CAPZB: variants seen among roughly 807,000 people sequenced by gnomAD.
CAPZB encodes the protein capping actin protein of muscle Z-line subunit beta.
CAPZB carries 2 observed loss-of-function variants against 38.1 expected under a neutral mutation model. The ratio of observed to expected loss-of-function variants is 0.05; its 90% CI spans 0.02 to 0.17. CAPZB has a LOEUF of 0.17. Among genes scored for constraint, CAPZB ranks in the 10% least tolerant of loss-of-function variants. CAPZB has a pLI of 1.00. For missense variants in CAPZB, 161 were observed against 334.2 expected (o/e 0.48, Z 4.04); for synonymous variants, 107 against 127.4 (o/e 0.84, Z 1.08).
intron 3 of CAPZB, among the ~76,000 whole-genome samples, chr1:19,379,913 C>T (rs2094164840): frequency 6.6e-6 from 1 of 152,190 alleles, no homozygotes; most frequent in African/African-American, 2.4e-5. Context: ...CACTCTTGGT[C>T]TAAACGCCTC....
intron 2 of CAPZB, among the ~76,000 whole-genome samples, chr1:19,403,407 G>A (rs986055028): frequency 1.3e-5 from 2 of 152,246 alleles, no homozygotes; most frequent in Admixed American, 6.5e-5. Context: ...AGCAGTTAGA[G>A]GGAGCAGAGT....
Position 19,386,289 on chromosome 1 carries a change from C to A in CAPZB, c.94-663G>T, listed in dbSNP as rs776479734. Among the ~76,000 whole-genome samples the A allele has an allele frequency of 2.0e-5, 3 of 152,188 alleles. No individual in the cohort carries two copies. The East Asian group carries it at 5.8e-4, about 29-fold the overall frequency. ...GGACTCAAACTCTGGGCCAATGTTG[C>A]GACTCTGACACAAGGCTCTGCAAGT... is the stretch of plus-strand genomic sequence containing the variant. On this transcript the variant is annotated intron_variant, in intron 2 of 8. Coordinates refer to ENST00000264202, the MANE Select transcript of CAPZB (RefSeq NM_004930.5).
chr1:19,345,352 T>C, intron 6 of CAPZB, 100 bp from the exon 7 acceptor site: 1 of 967,290 alleles, frequency 1.0e-6, no homozygotes, highest in East Asian at 2.4e-5. Flanking sequence ...AGCCTACTGT[T>C]CCCACCGTGG....
intron 1 of CAPZB, among the ~76,000 whole-genome samples, chr1:19,463,653 G>T (rs760877667): frequency 5.9e-5 from 9 of 152,194 alleles, no homozygotes; most frequent in African/African-American, 2.2e-4. Flanking sequence ...TTTCCTTTGA[G>T]GCCCCAGGAG....
chr1:19,358,531 TC>T (rs1287653279), intron 4 of CAPZB, among the ~76,000 whole-genome samples: 1 of 152,184 alleles, frequency 6.6e-6, no homozygotes, highest in East Asian at 1.9e-4. Context: ...GAAATGGGAA[TC>T]AGTCTGGGAT....
At chr1:19,352,813 G>A (rs532132915) in intron 6 of CAPZB, among the ~76,000 whole-genome samples, 3 of 152,364 alleles carry the variant, frequency 2.0e-5, no homozygotes, top group East Asian at 1.9e-4. Context: ...AGTAAAAGCC[G>A]AAAATGATGG....
At chr1:19,412,009 A>G (rs1485629434) in intron 2 of CAPZB, among the ~76,000 whole-genome samples, 1 of 152,192 alleles carries the variant, frequency 6.6e-6, no homozygotes, top group Admixed American at 6.5e-5. Context: ...TCCCTGCCTC[A>G]GTCCCCACAG....
chr1:19,339,377 T>A lies in CAPZB; in HGVS notation c.*153A>T. 1.4e-6 allele frequency: 1 copy of A among 696,696 alleles called. No homozygotes were observed. Among genetic ancestry groups the A allele is most frequent in the Non-Finnish European group, 2.6e-6 (1 of 386,126 alleles). 43.2% of individuals were successfully genotyped at this position (696,696 alleles called of 1,614,324 possible). A position where few individuals can be genotyped will look rare whatever the true frequency, so the allele number is the denominator to read the frequency against. ...CGGAGGAGGGTGGCTATCGGCTTTA[T>A]TCTCAGGGAGAGATGGCGCTGTGCG... On this transcript the variant is annotated 3_prime_UTR_variant, in exon 9 of 9. Coordinates refer to ENST00000264202, the MANE Select transcript of CAPZB (RefSeq NM_004930.5).
intron 1 of CAPZB, among the ~76,000 whole-genome samples, chr1:19,429,678 T>C (rs1342516083): frequency 2.0e-5 from 3 of 152,162 alleles, no homozygotes; most frequent in East Asian, 1.9e-4. Flanking sequence ...GACTTTTACA[T>C]AACATTTTTT....
intron 1 of CAPZB, among the ~76,000 whole-genome samples, chr1:19,447,386 ATTTTTT>A (rs61113781): frequency 1.2e-3 from 135 of 115,198 alleles, no homozygotes; most frequent in African/African-American, 4.0e-3. Context: ...CATCCAGCTA[ATTTTTT>A]TTTTTTTTTT....
Position 19,485,502 on chromosome 1 carries a change from C to G in CAPZB, c.-64G>C. ...TGGCTCTCCCCCCCGCAGCAGGGCC[C>G]GGCGCTTCCACTTCCCCGGGTGCCC... On this transcript the variant is annotated 5_prime_UTR_variant, in exon 1 of 9. Coordinates refer to ENST00000264202, the MANE Select transcript of CAPZB (RefSeq NM_004930.5). 4.1e-6 allele frequency: 5 copies of G among 1,220,866 alleles called. No individual in the cohort carries two copies. In the South Asian group the frequency reaches 1.2e-4, roughly 30 times the overall value. The allele number at this position is 1,220,866 out of a possible 1,614,324, so 75.6% of individuals were successfully genotyped here. A position where few individuals can be genotyped will look rare whatever the true frequency, so the allele number is the denominator to read the frequency against.
Position 19,345,192 on chromosome 1 carries a change from C to A in CAPZB, c.649G>T (p.Val217Leu). 6.2e-7 allele frequency: 1 copy of A among 1,613,770 alleles called. No homozygotes were observed. Among genetic ancestry groups the A allele is most frequent in the Non-Finnish European group, 8.5e-7 (1 of 1,179,690 alleles). ...SPHIANIGRL[V>L]EDMENKIRST... is the part of the protein sequence containing the mutation. ...CCAGAGCCCAGGTCACTCACCTCTA[C>A]CAGGCGCCCGATGTTGGCTATGTGT... Residue 217 changes from valine (V) to leucine (L), a missense_variant, in exon 7 of 9, where the codon GTA becomes TTA. Physicochemically the swap from Val to Leu is conservative, Grantham distance 32. Transcript: ENST00000264202.
intron 1 of CAPZB, among the ~76,000 whole-genome samples, chr1:19,428,869 A>G (rs931498613): frequency 2.0e-5 from 3 of 151,468 alleles, no homozygotes; most frequent in East Asian, 1.9e-4. Flanking sequence ...GGACAGCCAG[A>G]AAAAAAAAGC....
chr1:19,469,563 G>A (rs1197713422), intron 1 of CAPZB, among the ~76,000 whole-genome samples: 1 of 152,212 alleles, frequency 6.6e-6, no homozygotes, highest in East Asian at 1.9e-4. Flanking sequence ...CTGCTAGGCA[G>A]GGAGGATGAG....
At position 19,356,732 on chromosome 1, in the gene CAPZB, G is replaced by A. The variant is rs532731972; in HGVS notation, c.491C>T (p.Thr164Ile). 9.3e-6 allele frequency: 15 copies of A among 1,613,628 alleles called. No individual in the cohort carries two copies. In the Admixed American group the frequency reaches 1.7e-4, roughly 18 times the overall value. Residue 164 changes from threonine (T) to isoleucine (I), a missense_variant, in exon 6 of 9, where the codon ACC becomes ATC. Coordinates refer to ENST00000264202, the MANE Select transcript of CAPZB (RefSeq NM_004930.5). The surrounding 1 kb of genome is among the most constrained non-coding windows in gnomAD (Gnocchi z 4.3). ...VEVQEKSSGR[T>I]AHYKLTSTVM... ...CGTGGAGGTCAACTTGTAATGGGCG[G>A]TGCGACCGCTGGATTTCTCCTGGAA...
chr1:19,460,741 C>T (rs962202711), intron 1 of CAPZB, among the ~76,000 whole-genome samples: 1 of 152,060 alleles, frequency 6.6e-6, no homozygotes, highest in African/African-American at 2.4e-5. Flanking sequence ...TTTCAGGCAT[C>T]CACTCGGGGT....
chr1:19,379,191 T>C (rs1176367818), intron 3 of CAPZB, among the ~76,000 whole-genome samples: 1 of 151,142 alleles, frequency 6.6e-6, no homozygotes, highest in East Asian at 1.9e-4. Flanking sequence ...CTCCGCCTCC[T>C]GGGTTCAGGC....
chr1:19,370,465 G>A (rs1205062209), intron 4 of CAPZB, among the ~76,000 whole-genome samples: 1 of 152,184 alleles, frequency 6.6e-6, no homozygotes, highest in Non-Finnish European at 1.5e-5. Flanking sequence ...CACACAGGAC[G>A]TGATACACTC....
intron 1 of CAPZB, among the ~76,000 whole-genome samples, chr1:19,475,495 C>T (rs2094603785): frequency 1.3e-5 from 2 of 152,232 alleles, no homozygotes; most frequent in African/African-American, 4.8e-5. Flanking sequence ...CAAACCCTGA[C>T]AAGGCCAGCA....
Sources: gnomAD v4.1 joint callset for allele counts (sites outside exome capture counted in the v4.1 genomes callset) on GRCh38, gnomAD v4.1.1 for gene constraint, Gnocchi (gnomAD v3.1) non-coding constraint, MANE v1.5 for transcripts, NCBI Gene and HGNC (gene_info 2026-07-23, HGNC 2026-07-21) for gene names.